MCTP2: variants seen among roughly 807,000 people sequenced by gnomAD.
The protein encoded by MCTP2 is multiple C2 and transmembrane domain-containing protein 2.
In MCTP2, 132 loss-of-function variants were observed where a neutral mutation model predicts 111.6. The ratio of observed to expected loss-of-function variants is 1.18; its 90% CI spans 1.03 to 1.37. The LOEUF (loss-of-function observed/expected upper bound fraction) is 1.37. Among genes scored for constraint, MCTP2 ranks in the 40% most tolerant of loss-of-function variants. The pLI is 0.00. For missense variants in MCTP2, 1,183 were observed against 1,067.9 expected (o/e 1.11, Z -1.50); for synonymous variants, 395 against 387.7 (o/e 1.02, Z -0.22).
chr15:94,350,397 C>T (rs552179521), intron 8 of MCTP2, among the ~76,000 whole-genome samples: 2 of 152,166 alleles, frequency 1.3e-5, no homozygotes, highest in South Asian at 2.1e-4. Context: ...AGACCAGCCT[C>T]GCCAACATGG....
chr15:94,463,766 GCTATGAGTTTTTA>G (rs1296859354), intron 20 of MCTP2, among the ~76,000 whole-genome samples: 1 of 152,022 alleles, frequency 6.6e-6, no homozygotes, highest in Non-Finnish European at 1.5e-5. Context: ...TTCCTAGTTT[GCTATGAGTTTTTA>G]TTTTGAACAT....
At chr15:94,306,991 G>A (rs573060961) in intron 2 of MCTP2, among the ~76,000 whole-genome samples, 4 of 152,022 alleles carry the variant, frequency 2.6e-5, no homozygotes, top group East Asian at 1.9e-4. Flanking sequence ...GTGTGATCTC[G>A]AAAGTCGTAC....
chr15:94,325,904 C>G (rs1015468955), intron 4 of MCTP2, among the ~76,000 whole-genome samples: 14 of 147,968 alleles, frequency 9.5e-5, no homozygotes, highest in Non-Finnish European at 5.9e-5. Flanking sequence ...ACTGCAACCT[C>G]TGCCTCTCTG....
At position 94,345,170 on chromosome 15, in the gene MCTP2, T is replaced by TA. The variant is rs1410500028; in HGVS notation, c.1005+7dup. 8.1e-6 allele frequency: 13 copies of TA among 1,610,968 alleles called. No individual in the cohort carries two copies. In the African/African-American group the frequency reaches 1.7e-4, roughly 22 times the overall value. ...AGCGATTAAGTGCCAGCAAGGTAAA[T>TA]ATACTTTTTTTTCCTTTAGATCATT... is the stretch of plus-strand genomic sequence containing the variant. On this transcript the variant is annotated splice_region_variant and intron_variant, in intron 8 of 22. Transcript: ENST00000357742.
chr15:94,322,431 A>G (rs1206450859), intron 4 of MCTP2, among the ~76,000 whole-genome samples: 1 of 152,190 alleles, frequency 6.6e-6, no homozygotes, highest in East Asian at 1.9e-4. Flanking sequence ...ATGGATTAGT[A>G]GACTTTTTAT....
At chr15:94,430,400 C>G (rs1329623468) in intron 17 of MCTP2, among the ~76,000 whole-genome samples, 1 of 83,988 alleles carries the variant, frequency 1.2e-5, no homozygotes, top group South Asian at 3.4e-4. Flanking sequence ...CAATCACACA[C>G]ACACACACAC....
At chr15:94,293,258 G>A (rs992153366) in intron 1 of MCTP2, among the ~76,000 whole-genome samples, 51 of 152,124 alleles carry the variant, frequency 3.4e-4, no homozygotes, top group Non-Finnish European at 6.3e-4. Context: ...GCACTACTAA[G>A]AATGAGAAGA....
chr15:94,280,394 A>G (rs1270084353), intron 1 of MCTP2, among the ~76,000 whole-genome samples: 1 of 147,528 alleles, frequency 6.8e-6, no homozygotes, highest in Non-Finnish European at 1.5e-5. Context: ...GTGTGCATAA[A>G]GGCATCCATT....
chr15:94,447,826 A>T (rs1188471376), intron 19 of MCTP2, among the ~76,000 whole-genome samples: 1 of 152,240 alleles, frequency 6.6e-6, no homozygotes, highest in Non-Finnish European at 1.5e-5. Context: ...AATGGTTAAC[A>T]ATAGTTGCAT....
chr15:94,309,871 T>A (rs1448665332), intron 2 of MCTP2, among the ~76,000 whole-genome samples: 1 of 152,204 alleles, frequency 6.6e-6, no homozygotes, highest in African/African-American at 2.4e-5. Flanking sequence ...GAAAAACACT[T>A]ACCTGAAAGG....
chr15:94,461,762 G>C (rs1421320144), intron 20 of MCTP2, among the ~76,000 whole-genome samples: 2 of 152,168 alleles, frequency 1.3e-5, no homozygotes, highest in Admixed American at 6.5e-5. Context: ...GGGCAAGCAG[G>C]TTAAGTGGTT....
intron 11 of MCTP2, among the ~76,000 whole-genome samples, chr15:94,368,837 A>T (rs1254762739): frequency 6.6e-6 from 1 of 152,260 alleles, no homozygotes; most frequent in Non-Finnish European, 1.5e-5. Context: ...ATAAAGGAAC[A>T]TTAGATACCA....
chr15:94,279,264 C>T (rs927960240), intron 1 of MCTP2, among the ~76,000 whole-genome samples: 10 of 152,052 alleles, frequency 6.6e-5, no homozygotes, highest in Non-Finnish European at 1.3e-4. Flanking sequence ...GAATGCTTTT[C>T]CATTTGTTTG....
intron 1 of MCTP2, among the ~76,000 whole-genome samples, chr15:94,243,640 CAT>C (rs138847381): frequency 0.034 from 5,120 of 148,506 alleles, 90 homozygotes; most frequent in African/African-American, 0.041. Context: ...TGCGTATATA[CAT>C]ATATATGTAT....
chr15:94,347,418 T>C (rs1461816793), intron 8 of MCTP2, among the ~76,000 whole-genome samples: 1 of 152,234 alleles, frequency 6.6e-6, no homozygotes, highest in Non-Finnish European at 1.5e-5. Flanking sequence ...CTTTTTCACC[T>C]GAATCTTTTT....
intron 1 of MCTP2, among the ~76,000 whole-genome samples, chr15:94,272,696 G>A (rs147125846): frequency 3.3e-5 from 5 of 151,064 alleles, no homozygotes; most frequent in East Asian, 3.9e-4. Flanking sequence ...TGGCTTTTCG[G>A]TTTTGGGTTC....
At chr15:94,459,036 TC>T (rs951189935) in intron 20 of MCTP2, among the ~76,000 whole-genome samples, 54 of 148,052 alleles carry the variant, frequency 3.6e-4, no homozygotes, top group African/African-American at 1.3e-3. Context: ...TAGGTTTTTT[TC>T]TGTTTTGTTT....
In MCTP2 at chr15:94,286,079, G is replaced by C. The variant is rs2074740346; in HGVS notation, c.-65-12122G>C. 2.0e-5 allele frequency among the ~76,000 whole-genome samples: 3 copies of C among 152,172 alleles called. No homozygotes were observed. The South Asian group carries it at 6.2e-4, about 32-fold the overall frequency. On this transcript the variant is annotated intron_variant, in intron 1 of 22. Coordinates refer to ENST00000357742, the MANE Select transcript of MCTP2 (RefSeq NM_001385001.1). ...GGAATCTGTGTTTTGGAAGAAAAGA[G>C]CCAAATTTATCTTAAAAGCAGGGAA...
intron 1 of MCTP2, among the ~76,000 whole-genome samples, chr15:94,261,322 G>A (rs1375345686): frequency 6.6e-6 from 1 of 152,172 alleles, no homozygotes; most frequent in Admixed American, 6.5e-5. Context: ...TAAATTGATT[G>A]AGACCTGTCT....
Sources: gnomAD v4.1 joint callset for allele counts (sites outside exome capture counted in the v4.1 genomes callset) on GRCh38, gnomAD v4.1.1 for gene constraint, MANE v1.5 for transcripts, NCBI Gene and HGNC (gene_info 2026-07-23, HGNC 2026-07-21) for gene names.